Variants in ASTN1 observed in about 807,000 individuals in gnomAD.
ASTN1 encodes the protein astrotactin 1.
Under a neutral mutation model 140.7 loss-of-function variants are expected in ASTN1, and 41 were observed. That is an observed-to-expected ratio of 0.29 (90% CI 0.23 to 0.38). The LOEUF (loss-of-function observed/expected upper bound fraction) is 0.38, where lower values mean the gene tolerates loss of function less well. ASTN1 is among the 10% of genes least tolerant of loss of function. ASTN1 has a pLI of 1.00. For missense variants in ASTN1, 1,479 were observed against 1,678.8 expected (o/e 0.88, Z 2.08); for synonymous variants, 640 against 652.2 (o/e 0.98, Z 0.29).
chr1:176,923,982 G>A (rs1205517210), intron 16 of ASTN1, among the ~76,000 whole-genome samples: 1 of 152,028 alleles, frequency 6.6e-6, no homozygotes, highest in Non-Finnish European at 1.5e-5. Context: ...ACTTAATCAA[G>A]ATAAAATGCC....
At chr1:177,036,978 C>G (rs1361524350) in intron 2 of ASTN1, among the ~76,000 whole-genome samples, 2 of 152,036 alleles carry the variant, frequency 1.3e-5, no homozygotes, top group African/African-American at 4.8e-5. Flanking sequence ...CACCACCATG[C>G]CTGGCTAATA....
intron 1 of ASTN1, among the ~76,000 whole-genome samples, chr1:177,133,290 T>C (rs1682026903): frequency 6.6e-6 from 1 of 152,232 alleles, no homozygotes; most frequent in Admixed American, 6.5e-5. Flanking sequence ...AGTAACTGGA[T>C]AGCAGTCACT....
chr1:177,020,686 G>C (rs1277926059), intron 7 of ASTN1, among the ~76,000 whole-genome samples: 1 of 152,186 alleles, frequency 6.6e-6, no homozygotes, highest in East Asian at 1.9e-4. Flanking sequence ...TGAGAATGTG[G>C]ACATTTTTGG....
At chr1:176,952,362 TAA>T (rs111255583) in intron 11 of ASTN1, among the ~76,000 whole-genome samples, 13,807 of 151,978 alleles carry the variant, frequency 0.091, 1,144 homozygotes, top group African/African-American at 0.22. Context: ...CAAAACATTA[TAA>T]AGTGTCCAGA....
At chr1:176,884,110 G>T (rs1557933729) in intron 19 of ASTN1, among the ~76,000 whole-genome samples, 1 of 152,122 alleles carries the variant, frequency 6.6e-6, no homozygotes. Context: ...TCAAAACAAG[G>T]CTTTGTCAGA....
rs568858266 is a variant in ASTN1, at chr1:177,135,554, C to T, written c.283+28840G>A. Among the ~76,000 whole-genome samples the T allele has an allele frequency of 4.6e-5, 7 of 152,152 alleles. No individual in the cohort carries two copies. In the South Asian group the frequency reaches 6.2e-4, roughly 14 times the overall value. ...ATTTTTAAAAACAGAAAGCCAAGGC[C>T]CAGCAACAGGAAGTGGCTTGCCAAA... On this transcript the variant is annotated intron_variant, in intron 1 of 22. Coordinates refer to ENST00000361833, the MANE Select transcript of ASTN1 (RefSeq NM_004319.3).
At chr1:176,919,588 C>T (rs1282314417) in intron 16 of ASTN1, among the ~76,000 whole-genome samples, 1 of 152,202 alleles carries the variant, frequency 6.6e-6, no homozygotes, top group Non-Finnish European at 1.5e-5. Flanking sequence ...GAATCTATCA[C>T]ACAATACCCA....
intron 8 of ASTN1, among the ~76,000 whole-genome samples, chr1:176,966,225 A>T (rs1672877374): frequency 6.6e-6 from 1 of 152,212 alleles, no homozygotes; most frequent in Non-Finnish European, 1.5e-5. Context: ...AATAAATTAT[A>T]ATTATTATTT....
At chr1:177,100,234 T>C (rs1039846059) in intron 1 of ASTN1, among the ~76,000 whole-genome samples, 1 of 152,164 alleles carries the variant, frequency 6.6e-6, no homozygotes, top group Non-Finnish European at 1.5e-5. Flanking sequence ...TGGTGAGTTA[T>C]AATAGTTGGT....
At chr1:177,035,787 C>T (rs968851703) in intron 2 of ASTN1, among the ~76,000 whole-genome samples, 7 of 152,330 alleles carry the variant, frequency 4.6e-5, no homozygotes, top group African/African-American at 1.7e-4. Context: ...AGTCCCAGAT[C>T]TTCCTTCACT....
chr1:177,147,071 CAAT>C (rs1172745452), intron 1 of ASTN1, among the ~76,000 whole-genome samples: 3 of 152,044 alleles, frequency 2.0e-5, no homozygotes, highest in Non-Finnish European at 2.9e-5. Context: ...GTGAAAAGTA[CAAT>C]GACTGCTAGT....
At chr1:177,053,938 T>C (rs1677669163) in intron 2 of ASTN1, among the ~76,000 whole-genome samples, 1 of 152,250 alleles carries the variant, frequency 6.6e-6, no homozygotes, top group African/African-American at 2.4e-5. Flanking sequence ...ATCATGGTTG[T>C]TGGTCCTAGT....
chr1:176,874,066 C>T (rs1303078120), intron 21 of ASTN1, among the ~76,000 whole-genome samples: 1 of 152,174 alleles, frequency 6.6e-6, no homozygotes, highest in East Asian at 1.9e-4. Context: ...CTGCCTACTC[C>T]CTGATTTCCC....
intron 16 of ASTN1, among the ~76,000 whole-genome samples, chr1:176,933,477 T>A (rs934065603): frequency 6.6e-6 from 1 of 152,240 alleles, no homozygotes; most frequent in Non-Finnish European, 1.5e-5. Context: ...GCAGTCTTGG[T>A]TGATCAGATA....
intron 16 of ASTN1, among the ~76,000 whole-genome samples, chr1:176,920,066 G>A (rs533474847): frequency 3.9e-5 from 6 of 152,168 alleles, no homozygotes; most frequent in African/African-American, 9.6e-5. Flanking sequence ...TTTAAGGCTC[G>A]CTTGAACCTG....
intron 16 of ASTN1, among the ~76,000 whole-genome samples, chr1:176,909,172 C>T (rs1265513547): frequency 2.0e-5 from 3 of 152,174 alleles, no homozygotes; most frequent in Non-Finnish European, 4.4e-5. Context: ...ACTATGGGCC[C>T]ACATGAACTC....
chr1:176,908,926 C>A (rs553860432), intron 16 of ASTN1, among the ~76,000 whole-genome samples: 1 of 152,210 alleles, frequency 6.6e-6, no homozygotes, highest in Non-Finnish European at 1.5e-5. Context: ...GTAGGCTTCA[C>A]GTCTGCAAGA....
chr1:176,864,250 T>A lies in ASTN1; in HGVS notation c.*34A>T. The stretch of plus-strand genomic sequence containing the variant: ...CAGATGGATCCCTCCTCTTTCCTAC[T>A]TCATTCTGGCAGCAGCTCCCTGGCC... On this transcript the variant is annotated 3_prime_UTR_variant, in exon 23 of 23. Coordinates refer to ENST00000361833, the MANE Select transcript of ASTN1 (RefSeq NM_004319.3). 1.2e-6 allele frequency: 2 copies of A among 1,605,654 alleles called. No homozygotes were observed. The highest frequency in any genetic ancestry group is 1.7e-6 in the Non-Finnish European group (2 of 1,175,146).
chr1:176,915,220 T>C (rs547366916), intron 16 of ASTN1, among the ~76,000 whole-genome samples: 1 of 152,330 alleles, frequency 6.6e-6, no homozygotes, highest in South Asian at 2.1e-4. Context: ...GGAAATACCC[T>C]AATAGTTACA....
Sources: gnomAD v4.1 joint callset for allele counts (sites outside exome capture counted in the v4.1 genomes callset) on GRCh38, gnomAD v4.1.1 for gene constraint, MANE v1.5 for transcripts, NCBI Gene and HGNC (gene_info 2026-07-23, HGNC 2026-07-21) for gene names.